The following METTL16 variants were observed in gnomAD, a reference collection of about 807,000 sequenced individuals.
The protein encoded by METTL16 is methyltransferase 16, RNA N6-adenosine.
METTL16 carries 19 observed loss-of-function variants against 57.9 expected under a neutral mutation model. The ratio of observed to expected loss-of-function variants is 0.33; its 90% CI spans 0.23 to 0.48. METTL16 has a LOEUF of 0.48. Ranked by LOEUF, METTL16 falls within the 20% of genes least tolerant of loss-of-function variation. METTL16 has a pLI of 0.99. For missense variants in METTL16, 434 were observed against 691.5 expected, an observed-to-expected ratio of 0.63 and a Z score of 4.18; for synonymous variants, 246 against 255.6, an observed-to-expected ratio of 0.96 and a Z score of 0.36.
intron 2 of METTL16, among the ~76,000 whole-genome samples, chr17:2,501,059 G>T (rs777301807): frequency 3.9e-5 from 6 of 152,150 alleles, no homozygotes; most frequent in Non-Finnish European, 7.4e-5. Context: ...AGAGGTTGCA[G>T]TGAGGCGAGA....
intron 2 of METTL16, among the ~76,000 whole-genome samples, chr17:2,483,510 T>C (rs2067321377): frequency 6.6e-6 from 1 of 152,198 alleles, no homozygotes; most frequent in African/African-American, 2.4e-5. Context: ...GGGTATTAAG[T>C]TTATTCTTAG....
chr17:2,428,523 G>A (rs1254545140), intron 8 of METTL16, among the ~76,000 whole-genome samples: 1 of 62,166 alleles, frequency 1.6e-5, no homozygotes, highest in African/African-American at 5.7e-5. Flanking sequence ...GCGAGACTCC[G>A]TCTCAAAAAA....
At chr17:2,434,218 A>C (rs1043257618) in intron 8 of METTL16, among the ~76,000 whole-genome samples, 6 of 152,134 alleles carry the variant, frequency 3.9e-5, no homozygotes, top group African/African-American at 1.4e-4. Flanking sequence ...TTTTATTTTG[A>C]GACCCAGTCT....
chr17:2,493,625 A>C (rs1049966219), intron 2 of METTL16, among the ~76,000 whole-genome samples: 3 of 151,784 alleles, frequency 2.0e-5, no homozygotes, highest in Non-Finnish European at 4.4e-5. Flanking sequence ...AGACTGAGGC[A>C]CATGAATTGC....
chr17:2,505,395 ATTTTTTTTTTTTTTTTTT>A (rs564797281), intron 1 of METTL16, among the ~76,000 whole-genome samples: 16 of 50,590 alleles, frequency 3.2e-4, no homozygotes, highest in East Asian at 3.0e-3. Context: ...GCCCAGAGGC[ATTTTTTTTTTTTTTTTTT>A]TTTTTTTTTT....
At position 2,464,202 on chromosome 17, in the gene METTL16, A is replaced by C; in HGVS notation, c.728+6T>G. 1 of 1,608,822 alleles carries C rather than the reference A, an allele frequency of 6.2e-7. No individual in the cohort carries two copies. Among genetic ancestry groups the C allele is most frequent in the Non-Finnish European group, 8.5e-7 (1 of 1,178,330 alleles). On this transcript the variant is annotated splice_donor_region_variant and intron_variant, in intron 6 of 9. Coordinates refer to ENST00000263092, the MANE Select transcript of METTL16 (RefSeq NM_024086.4). ...GATGGACTCTATGTTGTAAAAACAG[A>C]CTTACCTTAATCTTTTTTTAAGTTG...
chr17:2,488,004 C>CAAATA (rs1470848479), intron 2 of METTL16, among the ~76,000 whole-genome samples: 2 of 151,246 alleles, frequency 1.3e-5, no homozygotes, highest in Admixed American at 1.3e-4. Flanking sequence ...GACCCAGTCT[C>CAAATA]AAATAAAATA....
chr17:2,465,580 A>C (rs2067187973), intron 5 of METTL16, among the ~76,000 whole-genome samples: 1 of 146,684 alleles, frequency 6.8e-6, no homozygotes, highest in South Asian at 2.2e-4. Context: ...AAGACAGATC[A>C]GGCTGGGCAT....
intron 3 of METTL16, among the ~76,000 whole-genome samples, chr17:2,474,199 C>T (rs2067254255): frequency 6.6e-6 from 1 of 151,980 alleles, no homozygotes; most frequent in Non-Finnish European, 1.5e-5. Context: ...AAATCTCATA[C>T]AAAACTCAAT....
intron 3 of METTL16, among the ~76,000 whole-genome samples, chr17:2,476,938 A>G (rs1251780094): frequency 1.3e-5 from 2 of 151,268 alleles, no homozygotes; most frequent in Non-Finnish European, 3.0e-5. Flanking sequence ...CCTGGGCGAC[A>G]AGAGCAAAAT....
At chr17:2,498,775 G>A (rs1472780083) in intron 2 of METTL16, among the ~76,000 whole-genome samples, 1 of 151,432 alleles carries the variant, frequency 6.6e-6, no homozygotes, top group African/African-American at 2.4e-5. Context: ...TGAGGATGGG[G>A]ATGGGCAAGG....
At chr17:2,436,693 G>C (rs979830692) in intron 8 of METTL16, 1 of 152,308 alleles carries the variant, frequency 6.6e-6, no homozygotes, top group Non-Finnish European at 1.5e-5. Context: ...AGTGTGTGCA[G>C]ACACTTCAGC....
chr17:2,507,667 G>A (rs1391701522), intron 1 of METTL16, among the ~76,000 whole-genome samples: 6 of 152,318 alleles, frequency 3.9e-5, no homozygotes, highest in East Asian at 1.9e-4. Flanking sequence ...TGACAATGGC[G>A]GTTTTGTGGA....
In METTL16 at chr17:2,419,609, A is replaced by G; in HGVS notation, c.*361T>C. The G allele has an allele frequency of 2.1e-6, 1 of 483,068 alleles. No individual in the cohort carries two copies. The highest frequency in any genetic ancestry group is 4.1e-6 in the Non-Finnish European group (1 of 245,478). The allele number at this position is 483,068 out of a possible 1,614,324, so 29.9% of individuals were successfully genotyped here. A position where few individuals can be genotyped will look rare whatever the true frequency, so the allele number is the denominator to read the frequency against. Reference sequence around the variant, plus strand: ...ACCCTTGGGTGACAGAGACAGCATGATATTCTAGGCAGTGCTGCCCAGCCC... The same window carrying G: ...ACCCTTGGGTGACAGAGACAGCATGGTATTCTAGGCAGTGCTGCCCAGCCC... On this transcript the variant is annotated 3_prime_UTR_variant, in exon 10 of 10. Transcript: ENST00000263092.
In METTL16 at chr17:2,447,019, G is replaced by A. The variant is rs1480305363; in HGVS notation, c.729-5460C>T. Among the ~76,000 whole-genome samples the A allele has an allele frequency of 4.0e-4, 60 of 150,514 alleles. 1 individual carries two copies. Among genetic ancestry groups the A allele is most frequent in the Non-Finnish European group, 2.2e-4 (15 of 67,862 alleles). ...AGCCGCCACCCCGTCTGGGAAGTGA[G>A]GAGCGTCTCTGCTTGGCCACCCATC... is the stretch of plus-strand genomic sequence containing the variant. On this transcript the variant is annotated intron_variant, in intron 6 of 9. Coordinates refer to ENST00000263092, the MANE Select transcript of METTL16 (RefSeq NM_024086.4).
chr17:2,506,926 T>C (rs1210686668), intron 1 of METTL16, among the ~76,000 whole-genome samples: 2 of 151,034 alleles, frequency 1.3e-5, no homozygotes, highest in Non-Finnish European at 2.9e-5. Context: ...GGAGCATCTC[T>C]GCCCGGCCGC....
chr17:2,446,367 T>G (rs1478200204), intron 6 of METTL16, among the ~76,000 whole-genome samples: 3 of 152,226 alleles, frequency 2.0e-5, no homozygotes, highest in African/African-American at 7.2e-5. Context: ...CTGCCTTTAC[T>G]TCTGCCTTTA....
intron 2 of METTL16, among the ~76,000 whole-genome samples, chr17:2,478,165 T>C (rs1349802790): frequency 6.6e-6 from 1 of 152,250 alleles, no homozygotes; most frequent in Non-Finnish European, 1.5e-5. Context: ...GTCTCCTCAC[T>C]GTGTGACTTT....
chr17:2,483,225 A>G (rs1433883337), intron 2 of METTL16, among the ~76,000 whole-genome samples: 1 of 152,234 alleles, frequency 6.6e-6, no homozygotes, highest in Non-Finnish European at 1.5e-5. Flanking sequence ...ATCCCAGACA[A>G]CTACAAATAA....
Sources: allele counts gnomAD v4.1 joint callset (sites outside exome capture counted in the v4.1 genomes callset), GRCh38; gene constraint gnomAD v4.1.1; transcripts MANE v1.5; gene names NCBI Gene and HGNC (gene_info 2026-07-23, HGNC 2026-07-21).